The following TMEM135 variants were observed in gnomAD, a reference collection of about 807,000 sequenced individuals.
The protein encoded by TMEM135 is peroxisomal membrane protein 52.
In TMEM135, 30 loss-of-function variants were observed where a neutral mutation model predicts 60.3. That is an observed-to-expected ratio of 0.50 (90% CI 0.37 to 0.68). The LOEUF is 0.68. TMEM135 is among the 30% of genes least tolerant of loss of function. The pLI, the probability that TMEM135 is intolerant of heterozygous loss-of-function variation, is 0.00. For synonymous variants in TMEM135, 190 were observed against 186.7 expected (o/e 1.02, Z -0.14); for missense variants, 468 against 548.8 (o/e 0.85, Z 1.47).
At chr11:87,288,831 T>C (rs1942213692) in intron 6 of TMEM135, among the ~76,000 whole-genome samples, 1 of 152,132 alleles carries the variant, frequency 6.6e-6, no homozygotes, top group Non-Finnish European at 1.5e-5. Flanking sequence ...AGGTGTTTAT[T>C]TAAAATGCGT....
intron 4 of TMEM135, among the ~76,000 whole-genome samples, chr11:87,150,666 A>G (rs1330618591): frequency 1.3e-5 from 2 of 152,112 alleles, no homozygotes; most frequent in African/African-American, 2.4e-5. Flanking sequence ...CTTTGTACCT[A>G]TTACTAACTC....
Position 87,298,786 on chromosome 11 carries a change from C to CAAAAAAAAAAAAAA in TMEM135, c.551+2968_551+2981dup, listed in dbSNP as rs59740138. Among the ~76,000 whole-genome samples, 10 of 57,682 alleles carry CAAAAAAAAAAAAAA rather than the reference C, an allele frequency of 1.7e-4. 2 individuals carry two copies. The highest frequency in any genetic ancestry group is 3.0e-4 in the Non-Finnish European group (10 of 33,068). 37.8% of individuals were successfully genotyped at this position (57,682 alleles called of 152,430 possible). On this transcript the variant is annotated intron_variant, in intron 7 of 14. Coordinates refer to ENST00000305494, the MANE Select transcript of TMEM135 (RefSeq NM_022918.4). ...TGGGTGACAGAGTGAGACTCTGTCT[C>CAAAAAAAAAAAAAA]AAAAAAAAAAAAAAAAAACAGCCGG...
intron 1 of TMEM135, among the ~76,000 whole-genome samples, chr11:87,061,422 A>T (rs1431435739): frequency 6.6e-6 from 1 of 152,242 alleles, no homozygotes; most frequent in Non-Finnish European, 1.5e-5. Context: ...CAATAGTGCC[A>T]AGGCTGAGAA....
chr11:87,173,254 G>T (rs1432740170), intron 5 of TMEM135, among the ~76,000 whole-genome samples: 1 of 152,114 alleles, frequency 6.6e-6, no homozygotes, highest in East Asian at 1.9e-4. Flanking sequence ...GCCAGGAACT[G>T]GTGGCTTGTA....
Position 87,071,535 on chromosome 11 carries a change from A to G in TMEM135, c.282A>G (p.Gly94=), listed in dbSNP as rs760070951. 18 of 1,613,910 alleles carry G rather than the reference A, an allele frequency of 1.1e-5. No homozygotes were observed. The highest frequency in any genetic ancestry group is 1.6e-4 in the Middle Eastern group (1 of 6,084). The stretch of plus-strand genomic sequence containing the variant: ...ATTTGAATTTCAGGAAGATACTTGG[A>G]AAATTCTACTCATGGACTCCTGGCT... ...AFFCILRKIL[G]KFYSWTPGFG... Residue 94 remains glycine (G), a synonymous_variant, in exon 3 of 15, where the codon GGA becomes GGG. Transcript: ENST00000305494.
At chr11:87,261,505 T>A (rs981280418) in intron 6 of TMEM135, among the ~76,000 whole-genome samples, 5 of 152,202 alleles carry the variant, frequency 3.3e-5, no homozygotes, top group African/African-American at 1.2e-4. Context: ...CAGTTTCATT[T>A]AAAAATTCAA....
chr11:87,260,958 C>T (rs940756314), intron 6 of TMEM135, among the ~76,000 whole-genome samples: 7 of 152,102 alleles, frequency 4.6e-5, no homozygotes, highest in African/African-American at 1.4e-4. Context: ...TTCTGGTCCT[C>T]GTGTCACACT....
chr11:87,053,296 T>C (rs1590981172), intron 1 of TMEM135, among the ~76,000 whole-genome samples: 1 of 150,856 alleles, frequency 6.6e-6, no homozygotes, highest in Non-Finnish European at 1.5e-5. Flanking sequence ...ATAAGCAATA[T>C]ATATATATAT....
At chr11:87,281,914 A>G (rs1198663316) in intron 6 of TMEM135, among the ~76,000 whole-genome samples, 1 of 152,266 alleles carries the variant, frequency 6.6e-6, no homozygotes. Context: ...CTTGTTTGAC[A>G]TGTAGCGTGA....
At chr11:87,269,527 A>G (rs952520319) in intron 6 of TMEM135, among the ~76,000 whole-genome samples, 2 of 150,692 alleles carry the variant, frequency 1.3e-5, no homozygotes, top group Non-Finnish European at 3.0e-5. Flanking sequence ...CCCAGAGTGT[A>G]ATGTTCCCCT....
In TMEM135 at chr11:87,302,554, C is replaced by G. The variant is rs539603820; in HGVS notation, c.698+112C>G. On this transcript the variant is annotated intron_variant, in intron 8 of 14. Transcript: ENST00000305494. ...TTCAGGTAATGATGATCATTTTTCA[C>G]CAGAAACTGTGCATAGAATTTTATA... is the stretch of plus-strand genomic sequence containing the variant. 119 of 1,343,566 alleles carry G rather than the reference C, an allele frequency of 8.9e-5. No individual in the cohort carries two copies. In the African/African-American group the frequency reaches 1.5e-3, roughly 17 times the overall value. The allele number at this position is 1,343,566 out of a possible 1,614,324, so 83.2% of individuals were successfully genotyped here.
intron 4 of TMEM135, among the ~76,000 whole-genome samples, chr11:87,137,073 G>A (rs1938122075): frequency 6.6e-6 from 1 of 152,046 alleles, no homozygotes; most frequent in Non-Finnish European, 1.5e-5. Flanking sequence ...TTAGAGAAGG[G>A]TGTGGAAATC....
chr11:87,198,449 G>C (rs538234020), intron 5 of TMEM135, among the ~76,000 whole-genome samples: 1 of 152,150 alleles, frequency 6.6e-6, no homozygotes, highest in African/African-American at 2.4e-5. Context: ...GGTACTTCCT[G>C]AGCTGAAAAT....
rs138635922 is a variant in TMEM135, at chr11:87,287,742, A to G, written c.510-8040A>G. ...GTATTTTTTATCATTATAGTTACCT[A>G]ATTATCCATGTTCATTGGGATCATA... On this transcript the variant is annotated intron_variant, in intron 6 of 14. Coordinates refer to ENST00000305494, the MANE Select transcript of TMEM135 (RefSeq NM_022918.4). Among the ~76,000 whole-genome samples the G allele has an allele frequency of 2.6e-5, 4 of 152,312 alleles. No individual in the cohort carries two copies. In the East Asian group the frequency reaches 5.8e-4, roughly 22 times the overall value.
intron 10 of TMEM135, among the ~76,000 whole-genome samples, chr11:87,312,337 T>C (rs991484340): frequency 2.6e-5 from 4 of 151,950 alleles, no homozygotes; most frequent in Non-Finnish European, 5.9e-5. Context: ...CAAGTAATGT[T>C]ATACTACTTC....
rs377135389 is a variant in TMEM135, at chr11:87,328,282, G to A, written c.*6949G>A. 1.2e-4 allele frequency: 55 copies of A among 453,766 alleles called. No homozygotes were observed. Among genetic ancestry groups the A allele is most frequent in the Admixed American group, 1.0e-3 (43 of 42,550 alleles). 28.1% of individuals were successfully genotyped at this position (453,766 alleles called of 1,614,324 possible). A position where few individuals can be genotyped will look rare whatever the true frequency, so the allele number is the denominator to read the frequency against. On this transcript the variant is annotated 3_prime_UTR_variant, in exon 15 of 15. Coordinates refer to ENST00000305494, the MANE Select transcript of TMEM135 (RefSeq NM_022918.4). ...TGTATGCTAAAATACTGTCAATCTC[G>A]TCTTTGAAGGTTTTGCTCATCTTTA...
intron 5 of TMEM135, among the ~76,000 whole-genome samples, chr11:87,201,309 C>T (rs1216010396): frequency 6.6e-6 from 1 of 152,090 alleles, no homozygotes; most frequent in Non-Finnish European, 1.5e-5. Context: ...ATTAGAAATA[C>T]TGTCTTTTTA....
intron 4 of TMEM135, among the ~76,000 whole-genome samples, chr11:87,093,558 T>G (rs972597915): frequency 1.3e-5 from 2 of 151,518 alleles, no homozygotes; most frequent in African/African-American, 4.9e-5. Context: ...TGAGATGGAG[T>G]CTCGCTCTGT....
At chr11:87,102,446 T>TGGAACTGGAAC in intron 4 of TMEM135, among the ~76,000 whole-genome samples, 1 of 152,222 alleles carries the variant, frequency 6.6e-6, no homozygotes, top group South Asian at 2.1e-4. Flanking sequence ...TATGAATATA[T>TGGAACTGGAAC]AGGAACTGGA....
Sources: gnomAD v4.1 joint callset for allele counts (sites outside exome capture counted in the v4.1 genomes callset) on GRCh38, gnomAD v4.1.1 for gene constraint, MANE v1.5 for transcripts, NCBI Gene and HGNC (gene_info 2026-07-23, HGNC 2026-07-21) for gene names.